TRAPPC9: variants seen among roughly 807,000 people sequenced by gnomAD.
TRAPPC9 encodes trafficking protein particle complex subunit 9.
TRAPPC9 carries 83 observed loss-of-function variants against 124.0 expected under a neutral mutation model. That is an observed-to-expected ratio of 0.67 (90% CI 0.56 to 0.80). The LOEUF (loss-of-function observed/expected upper bound fraction) is 0.80, where lower values mean the gene tolerates loss of function less well. TRAPPC9 is among the 30% of genes least tolerant of loss of function. TRAPPC9 has a pLI of 0.00. For missense variants in TRAPPC9, 1,302 were observed against 1,508.3 expected, an observed-to-expected ratio of 0.86 and a Z score of 2.27; for synonymous variants, 638 against 617.5, an observed-to-expected ratio of 1.03 and a Z score of -0.49.
At chr8:140,435,780 C>T (rs1223780677) in intron 3 of TRAPPC9, among the ~76,000 whole-genome samples, 1 of 152,204 alleles carries the variant, frequency 6.6e-6, no homozygotes, top group African/African-American at 2.4e-5. Flanking sequence ...CATATTAACT[C>T]GCTACACAGT....
intron 16 of TRAPPC9, among the ~76,000 whole-genome samples, chr8:140,237,608 T>C (rs1271959269): frequency 6.6e-6 from 1 of 151,808 alleles, no homozygotes; most frequent in Non-Finnish European, 1.5e-5. Flanking sequence ...TTGCAGTAAA[T>C]ATGAGAGCAC....
At chr8:140,075,572 C>G (rs1176776464) in intron 17 of TRAPPC9, among the ~76,000 whole-genome samples, 1 of 152,246 alleles carries the variant, frequency 6.6e-6, no homozygotes, top group Non-Finnish European at 1.5e-5. Flanking sequence ...ATATAAGTAG[C>G]TAGCCAGTGT....
At chr8:140,267,730 G>A (rs1188041697) in intron 15 of TRAPPC9, among the ~76,000 whole-genome samples, 3 of 152,148 alleles carry the variant, frequency 2.0e-5, no homozygotes, top group African/African-American at 7.2e-5. Flanking sequence ...GCAATGGCAC[G>A]ATCTCAGCTC....
At chr8:140,128,719 GA>G (rs1353111619) in intron 17 of TRAPPC9, among the ~76,000 whole-genome samples, 1 of 152,174 alleles carries the variant, frequency 6.6e-6, no homozygotes, top group Non-Finnish European at 1.5e-5. Context: ...GTAAATGGCG[GA>G]GCCGAGATGG....
intron 9 of TRAPPC9, among the ~76,000 whole-genome samples, chr8:140,317,394 G>C (rs1387079122): frequency 6.6e-6 from 1 of 152,126 alleles, no homozygotes; most frequent in Admixed American, 6.5e-5. Context: ...CTTTGGATAA[G>C]GTCCCATTAT....
chr8:140,373,784 A>T (rs899076188), intron 7 of TRAPPC9, among the ~76,000 whole-genome samples: 3 of 151,904 alleles, frequency 2.0e-5, no homozygotes, highest in African/African-American at 7.3e-5. Flanking sequence ...ATGATGTTGA[A>T]CCTTTTTCAT....
rs555075131 is a variant in TRAPPC9 at position 140,433,763 on chromosome 8, G to T, written c.859+1349C>A. On this transcript the variant is annotated intron_variant, in intron 4 of 22. Coordinates refer to ENST00000438773, the MANE Select transcript of TRAPPC9 (RefSeq NM_001160372.4). ...TCTCAATCACAAAAAAGATAAGCCT[G>T]AGGCAGAAGAATAGGATCTAGAGGC... Among the ~76,000 whole-genome samples, 66 of 152,316 alleles carry T rather than the reference G, an allele frequency of 4.3e-4. 3 individuals are homozygous for T. The highest frequency in any genetic ancestry group is 1.3e-4 in the Non-Finnish European group (9 of 68,032).
intron 22 of TRAPPC9, among the ~76,000 whole-genome samples, 178 bp downstream of exon 22, chr8:139,731,801 G>T (rs568579368): frequency 1.6e-4 from 24 of 152,174 alleles, no homozygotes; most frequent in Non-Finnish European, 2.8e-4. Flanking sequence ...AGGTGAGCTT[G>T]TCTAAGTTCC....
intron 18 of TRAPPC9, among the ~76,000 whole-genome samples, chr8:139,992,736 A>C (rs1356510930): frequency 6.6e-6 from 1 of 151,336 alleles, no homozygotes; most frequent in African/African-American, 2.4e-5. Flanking sequence ...TAGTGAAAGA[A>C]AAGATAGCTA....
intron 21 of TRAPPC9, among the ~76,000 whole-genome samples, chr8:139,852,384 C>T (rs561659835): frequency 3.9e-5 from 6 of 152,290 alleles, no homozygotes; most frequent in Admixed American, 2.0e-4. Flanking sequence ...TTTCTGGTAC[C>T]GGATCATGAA....
intron 17 of TRAPPC9, among the ~76,000 whole-genome samples, chr8:140,119,304 T>C (rs568352903): frequency 1.3e-5 from 2 of 152,338 alleles, no homozygotes; most frequent in South Asian, 2.1e-4. Flanking sequence ...GGATGATGAA[T>C]TGGCTAAACA....
chr8:140,302,347 T>C (rs565274784), intron 10 of TRAPPC9, among the ~76,000 whole-genome samples: 22 of 152,352 alleles, frequency 1.4e-4, no homozygotes, highest in Non-Finnish European at 2.9e-5. Flanking sequence ...GCCTTTATCA[T>C]AGCGGATCAG....
intron 20 of TRAPPC9, among the ~76,000 whole-genome samples, chr8:139,886,878 C>A (rs902584039): frequency 1.3e-5 from 2 of 152,158 alleles, no homozygotes; most frequent in Non-Finnish European, 2.9e-5. Flanking sequence ...TGGCCAACCC[C>A]AGGGACAGTC....
rs895089609 is a variant in TRAPPC9 at position 140,157,693 on chromosome 8, TA to T, written c.2556+63765del. ...TTCACTAAATTCAGTAATCTTTCTT[TA>T]AAAAAAAAAAGGAGGGGGTTCTTTT... On this transcript the variant is annotated intron_variant, in intron 17 of 22. Coordinates refer to ENST00000438773, the MANE Select transcript of TRAPPC9 (RefSeq NM_001160372.4). Among the ~76,000 whole-genome samples, 546 of 145,134 alleles carry T rather than the reference TA, an allele frequency of 3.8e-3. 5 individuals carry two copies. Among genetic ancestry groups the T allele is most frequent in the African/African-American group, 9.8e-3 (392 of 39,914 alleles).
Position 140,052,520 on chromosome 8 carries a change from G to A in TRAPPC9, c.2557-28441C>T, listed in dbSNP as rs1842063642. ...GTCAGGGCTGGGTGTGGTGGCTCAT[G>A]CCTGTAATCCCAGCACTTTGGGAGG... On this transcript the variant is annotated intron_variant, in intron 17 of 22. Coordinates refer to ENST00000438773, the MANE Select transcript of TRAPPC9 (RefSeq NM_001160372.4). 2.6e-5 allele frequency among the ~76,000 whole-genome samples: 4 copies of A among 152,078 alleles called. 1 individual carries two copies. The highest frequency in any genetic ancestry group is 2.6e-4 in the Admixed American group (4 of 15,268).
intron 2 of TRAPPC9, among the ~76,000 whole-genome samples, chr8:140,444,786 C>A (rs956584913): frequency 1.4e-5 from 2 of 146,596 alleles, no homozygotes; most frequent in Non-Finnish European, 3.0e-5. Context: ...TCACTTGAAC[C>A]GGGGAGGCGG....
chr8:140,387,720 A>G (rs868782177), intron 7 of TRAPPC9, among the ~76,000 whole-genome samples: 1 of 152,274 alleles, frequency 6.6e-6, no homozygotes, highest in Middle Eastern at 3.4e-3. Context: ...AAAAGTCAGG[A>G]AACAACAGGT....
chr8:139,823,068 TC>T lies in TRAPPC9; in HGVS notation c.3055+62810del, dbSNP rs369236963. On this transcript the variant is annotated intron_variant, in intron 21 of 22. Transcript: ENST00000438773. ...AATTTGATTGACTCAGGCCCCATCC[TC>T]ATCCCCCATTTAAGCTTAGTTGCCT... 3.2e-4 allele frequency among the ~76,000 whole-genome samples: 49 copies of T among 152,296 alleles called. No homozygotes were observed. The East Asian group carries it at 4.1e-3, about 13-fold the overall frequency.
chr8:139,761,533 C>A (rs1820224636), intron 21 of TRAPPC9, among the ~76,000 whole-genome samples: 1 of 152,152 alleles, frequency 6.6e-6, no homozygotes, highest in African/African-American at 2.4e-5. Context: ...ACCTCCTCCT[C>A]CCAACCCCAC....
Sources: allele counts gnomAD v4.1 joint callset (sites outside exome capture counted in the v4.1 genomes callset), GRCh38; gene constraint gnomAD v4.1.1; transcripts MANE v1.5; gene names NCBI Gene and HGNC (gene_info 2026-07-23, HGNC 2026-07-21).